EPB41L2: variants seen among roughly 807,000 people sequenced by gnomAD.
EPB41L2 encodes band 4.1-like protein 2.
EPB41L2 carries 43 observed loss-of-function variants against 113.0 expected under a neutral mutation model. The observed-to-expected ratio is 0.38, with a 90% CI of 0.30 to 0.49. The LOEUF (loss-of-function observed/expected upper bound fraction) is 0.49. Ranked by LOEUF, EPB41L2 falls within the 20% of genes least tolerant of loss-of-function variation. The pLI, the probability that EPB41L2 is intolerant of heterozygous loss-of-function variation, is 0.95. For synonymous variants in EPB41L2, 442 were observed against 436.7 expected (o/e 1.01, Z -0.15); for missense variants, 1,147 against 1,223.4 (o/e 0.94, Z 0.93).
rs567120196 is a variant in EPB41L2 at position 130,870,301 on chromosome 6, G to A, written c.2044-175C>T. ...AGGGCAATGAGAAACGTGAGGCAAT[G>A]GTGTTAACATGGAAAAAGGGGAGAA... On this transcript the variant is annotated intron_variant, in intron 14 of 19. Transcript: ENST00000337057. 5.2e-6 allele frequency: 8 copies of A among 1,550,308 alleles called. No individual in the cohort carries two copies. In the Middle Eastern group the frequency reaches 5.0e-4, roughly 97 times the overall value.
intron 4 of EPB41L2, among the ~76,000 whole-genome samples, chr6:130,911,434 T>C (rs989566166): frequency 1.3e-5 from 2 of 152,000 alleles, no homozygotes; most frequent in African/African-American, 4.8e-5. Flanking sequence ...CGGGGGTTGA[T>C]GGGTGCAGCA....
At chr6:130,899,365 G>A in intron 8 of EPB41L2, 126 bp downstream of exon 8, 1 of 708,938 alleles carries the variant, frequency 1.4e-6, no homozygotes. Context: ...AAATATTCCA[G>A]AGACCCTCAA....
intron 4 of EPB41L2, 81 bp downstream of exon 4, chr6:130,926,524 A>C: frequency 5.7e-6 from 6 of 1,054,526 alleles, no homozygotes; most frequent in Non-Finnish European, 8.4e-6. Context: ...TTTTAAAGCT[A>C]AATTTTAAAC....
intron 1 of EPB41L2, among the ~76,000 whole-genome samples, chr6:131,026,363 T>A (rs1790865504): frequency 6.6e-6 from 1 of 152,228 alleles, no homozygotes; most frequent in Non-Finnish European, 1.5e-5. Context: ...GTAGACAAGA[T>A]GATGTGTGTA....
chr6:130,863,419 T>C (rs985710466), intron 18 of EPB41L2, among the ~76,000 whole-genome samples: 1 of 152,184 alleles, frequency 6.6e-6, no homozygotes. Context: ...CAAAAGTGCA[T>C]GTAAAGCCAG....
intron 1 of EPB41L2, among the ~76,000 whole-genome samples, chr6:130,990,394 AG>A (rs1781545823): frequency 6.6e-6 from 1 of 152,206 alleles, no homozygotes; most frequent in Non-Finnish European, 1.5e-5. Flanking sequence ...CCTGTAAAAG[AG>A]AAAAAGAAAC....
chr6:130,949,009 G>T (rs1813894178), intron 3 of EPB41L2, among the ~76,000 whole-genome samples: 2 of 152,114 alleles, frequency 1.3e-5, no homozygotes, highest in Admixed American at 6.5e-5. Flanking sequence ...TAGATAACAT[G>T]ACCCACATAA....
chr6:130,941,006 T>TA (rs1382323741), intron 3 of EPB41L2, among the ~76,000 whole-genome samples: 4 of 152,164 alleles, frequency 2.6e-5, no homozygotes, highest in African/African-American at 9.6e-5. Context: ...AATTCATAAA[T>TA]AAAAGGAAAA....
chr6:130,963,945 C>T (rs1301874228), intron 1 of EPB41L2, among the ~76,000 whole-genome samples: 1 of 152,138 alleles, frequency 6.6e-6, no homozygotes, highest in Non-Finnish European at 1.5e-5. Flanking sequence ...TGAACTGCAT[C>T]TGCTCTAATT....
intron 12 of EPB41L2, chr6:130,882,225 C>A (rs1048123462): frequency 6.6e-6 from 1 of 152,214 alleles, no homozygotes; most frequent in Non-Finnish European, 1.5e-5. Context: ...CTTCCCTCCT[C>A]CCCCACACCT....
chr6:131,022,271 T>C (rs968595996), intron 1 of EPB41L2, among the ~76,000 whole-genome samples: 1 of 152,140 alleles, frequency 6.6e-6, no homozygotes, highest in Non-Finnish European at 1.5e-5. Flanking sequence ...AATGGCCACC[T>C]ACCCCTTACC....
chr6:131,054,300 T>G (rs1320591006), intron 1 of EPB41L2, among the ~76,000 whole-genome samples: 4 of 152,172 alleles, frequency 2.6e-5, no homozygotes, highest in Non-Finnish European at 4.4e-5. Context: ...CAGAACTTCC[T>G]CATTCAAGTC....
At chr6:130,917,384 T>C (rs1367618486) in intron 4 of EPB41L2, among the ~76,000 whole-genome samples, 9 of 152,226 alleles carry the variant, frequency 5.9e-5, no homozygotes, top group Non-Finnish European at 1.3e-4. Context: ...TGTTAATAAG[T>C]TGGTTTAGTG....
intron 1 of EPB41L2, among the ~76,000 whole-genome samples, chr6:131,007,153 C>T (rs990118335): frequency 6.6e-5 from 10 of 152,352 alleles, no homozygotes; most frequent in African/African-American, 2.2e-4. Context: ...CCACTCAGAT[C>T]TCACCTTGAA....
At chr6:130,869,150 T>G (rs1240044589) in intron 15 of EPB41L2, among the ~76,000 whole-genome samples, 1 of 151,720 alleles carries the variant, frequency 6.6e-6, no homozygotes, top group Non-Finnish European at 1.5e-5. Flanking sequence ...GCACACACAC[T>G]CAGCAGTGAC....
chr6:130,868,810 G>C (rs992361031), intron 15 of EPB41L2: 4 of 152,206 alleles, frequency 2.6e-5, no homozygotes, highest in African/African-American at 9.6e-5. Flanking sequence ...AAAAGAAAAA[G>C]ATTCATGTCC....
At chr6:131,049,704 T>C (rs1461298310) in intron 1 of EPB41L2, among the ~76,000 whole-genome samples, 1 of 152,274 alleles carries the variant, frequency 6.6e-6, no homozygotes, top group Non-Finnish European at 1.5e-5. Context: ...CATTTTCCAA[T>C]AATCCCATAG....
intron 11 of EPB41L2, among the ~76,000 whole-genome samples, chr6:130,886,373 C>T (rs1176580113): frequency 2.0e-5 from 3 of 152,140 alleles, no homozygotes; most frequent in Non-Finnish European, 4.4e-5. Flanking sequence ...ATATTTGCTC[C>T]CATTTGCTTG....
chr6:130,982,783 G>A (rs894839256), intron 1 of EPB41L2, among the ~76,000 whole-genome samples: 1 of 152,138 alleles, frequency 6.6e-6, no homozygotes, highest in Non-Finnish European at 1.5e-5. Context: ...TTTATGCTTT[G>A]AAACATCTCT....
Sources: gnomAD v4.1 joint callset for allele counts (sites outside exome capture counted in the v4.1 genomes callset) on GRCh38, gnomAD v4.1.1 for gene constraint, MANE v1.5 for transcripts, NCBI Gene and HGNC (gene_info 2026-07-23, HGNC 2026-07-21) for gene names.